Variants in FYN observed in about 807,000 individuals in gnomAD.
The protein encoded by FYN is FYN proto-oncogene, Src family tyrosine kinase.
In FYN, 10 loss-of-function variants were observed where a neutral mutation model predicts 70.2. The observed-to-expected ratio is 0.14, with a 90% CI of 0.09 to 0.24. FYN has a LOEUF of 0.24. Ranked by LOEUF, FYN falls within the 10% of genes least tolerant of loss-of-function variation. The pLI, the probability that FYN is intolerant of heterozygous loss-of-function variation, is 1.00. For missense variants in FYN, 319 were observed against 673.1 expected, an observed-to-expected ratio of 0.47 and a Z score of 5.82; for synonymous variants, 236 against 248.6, an observed-to-expected ratio of 0.95 and a Z score of 0.48.
intron 1 of FYN, among the ~76,000 whole-genome samples, chr6:111,853,163 C>T (rs1425754192): frequency 6.6e-6 from 1 of 152,116 alleles, no homozygotes; most frequent in African/African-American, 2.4e-5. Context: ...ATTCATACTT[C>T]CAAGAGGTGG....
At chr6:111,770,905 T>C (rs904828571) in intron 3 of FYN, among the ~76,000 whole-genome samples, 1 of 151,976 alleles carries the variant, frequency 6.6e-6, no homozygotes, top group African/African-American at 2.4e-5. Flanking sequence ...ACCGCCACAG[T>C]GGGGATCAAA....
chr6:111,722,665 T>C (rs1270671472), intron 3 of FYN, among the ~76,000 whole-genome samples: 2 of 152,088 alleles, frequency 1.3e-5, no homozygotes, highest in Non-Finnish European at 2.9e-5. Context: ...GCAAGAGACA[T>C]ATTGGGCAAT....
chr6:111,830,013 C>A (rs1772965091), intron 2 of FYN, among the ~76,000 whole-genome samples: 1 of 152,156 alleles, frequency 6.6e-6, no homozygotes, highest in South Asian at 2.1e-4. Context: ...TGGTCCTCCA[C>A]CCCCATAATT....
intron 2 of FYN, among the ~76,000 whole-genome samples, chr6:111,788,013 G>A (rs897995391): frequency 2.6e-5 from 4 of 152,002 alleles, no homozygotes; most frequent in African/African-American, 9.7e-5. Flanking sequence ...GTTCTCACTT[G>A]TCCCTCCTCG....
intron 13 of FYN, among the ~76,000 whole-genome samples, chr6:111,668,177 A>G (rs990895560): frequency 6.6e-6 from 1 of 152,242 alleles, no homozygotes; most frequent in South Asian, 2.1e-4. Context: ...TTGTATTAAC[A>G]GATTCTCATG....
chr6:111,864,544 G>A (rs141439079), intron 1 of FYN, among the ~76,000 whole-genome samples: 266 of 143,690 alleles, frequency 1.9e-3, no homozygotes, highest in African/African-American at 7.6e-3. Context: ...TCAGCCTTAC[G>A]AATCAGGCTA....
chr6:111,792,663 T>G (rs1771665258), intron 2 of FYN, among the ~76,000 whole-genome samples: 1 of 152,238 alleles, frequency 6.6e-6, no homozygotes, highest in African/African-American at 2.4e-5. Flanking sequence ...ACAACATGGA[T>G]GAATCTCCTA....
intron 1 of FYN, among the ~76,000 whole-genome samples, chr6:111,853,135 G>C (rs1038434359): frequency 6.6e-6 from 1 of 152,246 alleles, no homozygotes; most frequent in East Asian, 1.9e-4. Context: ...TGTTGATGAA[G>C]ACAATAGATT....
intron 2 of FYN, among the ~76,000 whole-genome samples, chr6:111,790,629 A>G (rs1394151426): frequency 2.6e-5 from 4 of 152,140 alleles, no homozygotes; most frequent in Non-Finnish European, 5.9e-5. Flanking sequence ...TCTCACTAAC[A>G]TTGCATTTTA....
intron 2 of FYN, among the ~76,000 whole-genome samples, chr6:111,785,386 T>C (rs1771327640): frequency 6.6e-6 from 1 of 152,218 alleles, no homozygotes; most frequent in Non-Finnish European, 1.5e-5. Context: ...GCACTGAATA[T>C]GAAATGTTTG....
chr6:111,860,203 C>G (rs574941487), intron 1 of FYN, among the ~76,000 whole-genome samples: 3 of 152,150 alleles, frequency 2.0e-5, no homozygotes, highest in Admixed American at 6.5e-5. Flanking sequence ...ATGGCAGTCC[C>G]GGGAAACCAG....
At chr6:111,771,865 C>T (rs567784675) in intron 3 of FYN, among the ~76,000 whole-genome samples, 2 of 152,228 alleles carry the variant, frequency 1.3e-5, no homozygotes, top group South Asian at 4.2e-4. Flanking sequence ...TCCTGGCTGA[C>T]TTTCCTTGTT....
intron 3 of FYN, among the ~76,000 whole-genome samples, chr6:111,765,849 G>A (rs754551722): frequency 2.6e-5 from 4 of 152,018 alleles, no homozygotes; most frequent in Non-Finnish European, 4.4e-5. Flanking sequence ...ATCCCAAGAG[G>A]TTAGAAAATG....
chr6:111,767,698 C>A (rs749713150), intron 3 of FYN, among the ~76,000 whole-genome samples: 1 of 152,194 alleles, frequency 6.6e-6, no homozygotes, highest in African/African-American at 2.4e-5. Context: ...CCCTGCCTGG[C>A]CCTTAGGTGC....
rs529234196 is a variant in FYN at position 111,852,009 on chromosome 6, C to T, written c.-122-5380G>A. Among the ~76,000 whole-genome samples, 12 of 151,732 alleles carry T rather than the reference C, an allele frequency of 7.9e-5. No individual in the cohort carries two copies. In the East Asian group the frequency reaches 1.4e-3, roughly 17 times the overall value. ...ATGTGGCCCAACAAAACATAAATGA[C>T]GGTATGTATGATCCAGCCCATAGAG... On this transcript the variant is annotated intron_variant, in intron 1 of 13. Transcript: ENST00000354650.
chr6:111,684,005 G>A lies in FYN; in HGVS notation c.1274-9375C>T, dbSNP rs542017904. Among the ~76,000 whole-genome samples the A allele has an allele frequency of 3.9e-5, 6 of 152,168 alleles. No homozygotes were observed. In the South Asian group the frequency reaches 6.2e-4, roughly 16 times the overall value. ...AACTGGGTGTTTTCCAGTTATCCCC[G>A]GTGACGCACTCTGTTGAAACTTCTA... On this transcript the variant is annotated intron_variant, in intron 12 of 13. Transcript: ENST00000354650.
intron 2 of FYN, among the ~76,000 whole-genome samples, chr6:111,797,709 TATAC>T (rs1240589615): frequency 1.4e-4 from 12 of 87,206 alleles, no homozygotes; most frequent in Non-Finnish European, 2.7e-4. Context: ...TATATATATA[TATAC>T]ACACACACAC....
At chr6:111,853,927 T>C (rs1259546546) in intron 1 of FYN, among the ~76,000 whole-genome samples, 1 of 152,110 alleles carries the variant, frequency 6.6e-6, no homozygotes, top group Non-Finnish European at 1.5e-5. Context: ...GTTGGAAAGA[T>C]CAAGACTAGA....
intron 3 of FYN, among the ~76,000 whole-genome samples, chr6:111,758,679 G>A (rs1378351562): frequency 6.6e-6 from 1 of 152,174 alleles, no homozygotes; most frequent in Non-Finnish European, 1.5e-5. Context: ...GTGCCCCCAG[G>A]AGACACTGAA....
Sources: allele counts gnomAD v4.1 joint callset (sites outside exome capture counted in the v4.1 genomes callset), GRCh38; gene constraint gnomAD v4.1.1; transcripts MANE v1.5; gene names NCBI Gene and HGNC (gene_info 2026-07-23, HGNC 2026-07-21).